The following CNTN6 variants were observed in gnomAD, a reference collection of about 807,000 sequenced individuals.
The protein encoded by CNTN6 is contactin-6.
In CNTN6, 137 loss-of-function variants were observed where a neutral mutation model predicts 122.8. That is an observed-to-expected ratio of 1.12 (90% CI 0.97 to 1.29). The LOEUF (loss-of-function observed/expected upper bound fraction) is 1.29, where lower values mean the gene tolerates loss of function less well. CNTN6 is among the 50% of genes most tolerant of loss of function. The pLI, the probability that CNTN6 is intolerant of heterozygous loss-of-function variation, is 0.00. For missense variants in CNTN6, 1,634 were observed against 1,223.4 expected, an observed-to-expected ratio of 1.34 and a Z score of -5.01; for synonymous variants, 570 against 426.0, an observed-to-expected ratio of 1.34 and a Z score of -4.16.
At chr3:1,116,980 G>A (rs2091748202) in intron 1 of CNTN6, among the ~76,000 whole-genome samples, 1 of 152,068 alleles carries the variant, frequency 6.6e-6, no homozygotes, top group African/African-American at 2.4e-5. Flanking sequence ...TCCCTCTGTG[G>A]CTTCACAGGC....
intron 2 of CNTN6, among the ~76,000 whole-genome samples, chr3:1,186,631 C>G (rs560352542): frequency 5.0e-4 from 76 of 152,150 alleles, no homozygotes; most frequent in African/African-American, 1.8e-3. Flanking sequence ...ATTGACTCAT[C>G]TTAACTTCTA....
intron 11 of CNTN6, among the ~76,000 whole-genome samples, chr3:1,344,894 C>T (rs1227256156): frequency 1.3e-5 from 2 of 152,064 alleles, no homozygotes; most frequent in African/African-American, 2.4e-5. Flanking sequence ...GTACAGTGGC[C>T]AGATTTAGGT....
chr3:1,357,956 A>G (rs1706849557), intron 12 of CNTN6, among the ~76,000 whole-genome samples: 3 of 151,784 alleles, frequency 2.0e-5, no homozygotes, highest in Admixed American at 6.6e-5. Flanking sequence ...TTGTAACCCA[A>G]AACACACAAG....
intron 4 of CNTN6, among the ~76,000 whole-genome samples, chr3:1,251,444 C>CAA (rs145628331): frequency 2.0e-5 from 3 of 151,926 alleles, no homozygotes; most frequent in Admixed American, 2.0e-4. Flanking sequence ...GAGACAAAGG[C>CAA]AAAAAACACT....
chr3:1,220,195 G>A (rs1360748199), intron 2 of CNTN6, among the ~76,000 whole-genome samples: 1 of 151,542 alleles, frequency 6.6e-6, no homozygotes, highest in African/African-American at 2.4e-5. Flanking sequence ...ATATAGCCAG[G>A]CATGGTGGCA....
At chr3:1,272,404 G>C (rs1358303864) in intron 4 of CNTN6, among the ~76,000 whole-genome samples, 1 of 152,160 alleles carries the variant, frequency 6.6e-6, no homozygotes, top group Non-Finnish European at 1.5e-5. Context: ...AGGTGGTTCT[G>C]AGGATTCAAT....
chr3:1,335,869 A>C (rs2126019176), intron 11 of CNTN6, among the ~76,000 whole-genome samples: 1 of 152,142 alleles, frequency 6.6e-6, no homozygotes, highest in Non-Finnish European at 1.5e-5. Context: ...TCTCTGCAAA[A>C]AAATTTTAAA....
intron 4 of CNTN6, among the ~76,000 whole-genome samples, chr3:1,257,554 C>A (rs2094779741): frequency 6.6e-6 from 1 of 152,068 alleles, no homozygotes; most frequent in African/African-American, 2.4e-5. Flanking sequence ...CCACCCCTGC[C>A]CTATGAAATT....
chr3:1,280,466 T>TTTTTTTTTTTTC (rs1693190202), intron 5 of CNTN6, among the ~76,000 whole-genome samples: 2 of 121,662 alleles, frequency 1.6e-5, no homozygotes, highest in Middle Eastern at 4.2e-3. Context: ...CCAATTTTTT[T>TTTTTTTTTTTTC]TTTTTTTTTT....
chr3:1,163,449 C>T (rs892364457), intron 2 of CNTN6, among the ~76,000 whole-genome samples: 1 of 152,182 alleles, frequency 6.6e-6, no homozygotes, highest in Admixed American at 6.5e-5. Context: ...TTTGGTTCTG[C>T]CAGTCAGGCT....
At position 1,329,992 on chromosome 3, in the gene CNTN6, T is replaced by C. The variant is rs9837767; in HGVS notation, c.1364+57T>C. The C allele has an allele frequency of 5.9e-3, 8,095 of 1,364,620 alleles. 390 individuals are homozygous for C. The African/African-American group carries it at 0.1, about 18-fold the overall frequency. The allele number at this position is 1,364,620 out of a possible 1,614,324, so 84.5% of individuals were successfully genotyped here. ...TGTTTGTAATATAACATCTTCCAAA[T>C]TTTTAGGTTTTAGTAGGCCTTTCAA... On this transcript the variant is annotated intron_variant, in intron 11 of 22. Coordinates refer to ENST00000446702, the MANE Select transcript of CNTN6 (RefSeq NM_001289080.2).
At chr3:1,224,305 G>A (rs2094248953) in intron 3 of CNTN6, among the ~76,000 whole-genome samples, 1 of 152,102 alleles carries the variant, frequency 6.6e-6, no homozygotes, top group Non-Finnish European at 1.5e-5. Context: ...GGGTCAAAGG[G>A]TGAGAAGTGA....
chr3:1,270,199 C>A (rs2095000445), intron 4 of CNTN6, among the ~76,000 whole-genome samples: 1 of 152,100 alleles, frequency 6.6e-6, no homozygotes, highest in South Asian at 2.1e-4. Flanking sequence ...AGAGATATTT[C>A]TCTGTGCCAA....
Position 1,115,170 on chromosome 3 carries a change from A to G in CNTN6, c.-83+22050A>G, listed in dbSNP as rs150877912. On this transcript the variant is annotated intron_variant, in intron 1 of 22. Coordinates refer to ENST00000446702, the MANE Select transcript of CNTN6 (RefSeq NM_001289080.2). ...ATATAAATAAATGTAACATATGCAC[A>G]TAGGCTCTTAAATACCCATGTTTAG... Among the ~76,000 whole-genome samples the G allele has an allele frequency of 6.8e-3, 1,032 of 152,330 alleles. 5 individuals are homozygous for G. Among genetic ancestry groups the G allele is most frequent in the Admixed American group, 0.01 (157 of 15,290 alleles).
chr3:1,379,903 A>G (rs1710410582), intron 17 of CNTN6, among the ~76,000 whole-genome samples: 1 of 152,174 alleles, frequency 6.6e-6, no homozygotes, highest in Non-Finnish European at 1.5e-5. Context: ...ACCAGAATGC[A>G]GGTAGTAATT....
At chr3:1,186,792 G>T (rs553848001) in intron 2 of CNTN6, among the ~76,000 whole-genome samples, 1 of 151,668 alleles carries the variant, frequency 6.6e-6, no homozygotes, top group Admixed American at 6.6e-5. Context: ...TTCTGAAGTC[G>T]CTTGGTCCCA....
chr3:1,285,411 C>T (rs992861218), intron 5 of CNTN6, among the ~76,000 whole-genome samples: 2 of 152,032 alleles, frequency 1.3e-5, no homozygotes, highest in African/African-American at 4.8e-5. Flanking sequence ...CAGTTAGATA[C>T]AAGGGTGAAA....
At chr3:1,244,494 G>T (rs190003349) in intron 4 of CNTN6, among the ~76,000 whole-genome samples, 2,515 of 144,632 alleles carry the variant, frequency 0.017, 41 homozygotes, top group Admixed American at 0.027. Flanking sequence ...TGAAGGAGAA[G>T]GGGTTGAGGG....
chr3:1,160,929 T>G (rs2093119414), intron 2 of CNTN6, among the ~76,000 whole-genome samples: 1 of 152,042 alleles, frequency 6.6e-6, no homozygotes, highest in Admixed American at 6.6e-5. Context: ...TATTCAAAAT[T>G]TCATAAATAT....
Sources: gnomAD v4.1 joint callset for allele counts (sites outside exome capture counted in the v4.1 genomes callset) on GRCh38, gnomAD v4.1.1 for gene constraint, MANE v1.5 for transcripts, NCBI Gene and HGNC (gene_info 2026-07-23, HGNC 2026-07-21) for gene names.